Variants in RABGAP1L observed in about 807,000 individuals in gnomAD.
RABGAP1L encodes rab GTPase-activating protein 1-like.
In RABGAP1L, 63 loss-of-function variants were observed where a neutral mutation model predicts 137.7. The ratio of observed to expected loss-of-function variants is 0.46; its 90% CI spans 0.37 to 0.56. The LOEUF (loss-of-function observed/expected upper bound fraction) is 0.56. Among genes scored for constraint, RABGAP1L ranks in the 20% least tolerant of loss-of-function variants. The pLI, the probability that RABGAP1L is intolerant of heterozygous loss-of-function variation, is 0.00. For missense variants in RABGAP1L, 1,095 were observed against 1,244.0 expected (o/e 0.88, Z 1.80); for synonymous variants, 431 against 433.7 (o/e 0.99, Z 0.08).
intron 18 of RABGAP1L, among the ~76,000 whole-genome samples, chr1:174,763,736 G>C (rs1175102506): frequency 1.4e-5 from 2 of 144,424 alleles, no homozygotes; most frequent in Non-Finnish European, 3.0e-5. Flanking sequence ...TATGCAGGAG[G>C]CTGAGGCAAG....
intron 13 of RABGAP1L, among the ~76,000 whole-genome samples, chr1:174,405,056 T>A (rs1210821764): frequency 1.3e-5 from 2 of 152,158 alleles, no homozygotes; most frequent in African/African-American, 4.8e-5. Context: ...AATAAAACAT[T>A]TAGCTAAAGA....
chr1:174,284,072 A>G (rs1474375477), intron 10 of RABGAP1L, among the ~76,000 whole-genome samples: 1 of 152,238 alleles, frequency 6.6e-6, no homozygotes, highest in Non-Finnish European at 1.5e-5. Context: ...AAATCAAGTT[A>G]GTTAACACAT....
At chr1:174,387,852 CT>C (rs1686925194) in intron 12 of RABGAP1L, among the ~76,000 whole-genome samples, 1 of 151,888 alleles carries the variant, frequency 6.6e-6, no homozygotes, top group African/African-American at 2.4e-5. Context: ...ATTCTTAGAC[CT>C]TTAGAAAACT....
chr1:174,532,476 G>C (rs1221339183), intron 13 of RABGAP1L, among the ~76,000 whole-genome samples: 1 of 151,994 alleles, frequency 6.6e-6, no homozygotes, highest in Non-Finnish European at 1.5e-5. Context: ...CAAAGTGCTG[G>C]GATTACAGGC....
At chr1:174,627,067 A>G (rs12064403) in intron 13 of RABGAP1L, among the ~76,000 whole-genome samples, 1 of 151,706 alleles carries the variant, frequency 6.6e-6, no homozygotes, top group African/African-American at 2.4e-5. Context: ...TAATACTTAT[A>G]AAGTTGAAAT....
intron 8 of RABGAP1L, among the ~76,000 whole-genome samples, chr1:174,275,482 A>G (rs58831567): frequency 0.046 from 6,929 of 152,234 alleles, 233 homozygotes; most frequent in Middle Eastern, 0.092. Flanking sequence ...TTTAATAGAA[A>G]CCATATACAT....
At chr1:174,374,492 A>G (rs566539910) in intron 12 of RABGAP1L, among the ~76,000 whole-genome samples, 3 of 151,762 alleles carry the variant, frequency 2.0e-5, no homozygotes, top group South Asian at 4.2e-4. Context: ...TTATACTCCA[A>G]TTGAAATTAA....
intron 13 of RABGAP1L, among the ~76,000 whole-genome samples, chr1:174,542,120 G>A (rs905508088): frequency 1.3e-5 from 2 of 152,146 alleles, no homozygotes; most frequent in African/African-American, 4.8e-5. Flanking sequence ...AATGAGTTAG[G>A]GAGGATTCCC....
At chr1:174,791,919 A>G (rs1431019516) in intron 18 of RABGAP1L, among the ~76,000 whole-genome samples, 1 of 152,208 alleles carries the variant, frequency 6.6e-6, no homozygotes, top group African/African-American at 2.4e-5. Flanking sequence ...TTCTCAACTC[A>G]ACCTAAGAAT....
At chr1:174,547,418 A>G (rs1666108387) in intron 13 of RABGAP1L, among the ~76,000 whole-genome samples, 1 of 152,086 alleles carries the variant, frequency 6.6e-6, no homozygotes, top group Non-Finnish European at 1.5e-5. Context: ...CGAGTTTGAG[A>G]CCAGCCTAGG....
At chr1:174,199,599 T>A (rs1266677960) in intron 1 of RABGAP1L, among the ~76,000 whole-genome samples, 1 of 152,220 alleles carries the variant, frequency 6.6e-6, no homozygotes, top group African/African-American at 2.4e-5. Flanking sequence ...GCCCATACAT[T>A]GTTTTTCAAT....
intron 11 of RABGAP1L, among the ~76,000 whole-genome samples, chr1:174,317,169 A>C (rs998538514): frequency 1.3e-5 from 2 of 151,938 alleles, no homozygotes; most frequent in African/African-American, 4.8e-5. Flanking sequence ...AAGGTGCAAG[A>C]CAAAGTCCCC....
chr1:174,194,451 G>C (rs1326026383), intron 1 of RABGAP1L, among the ~76,000 whole-genome samples: 1 of 152,020 alleles, frequency 6.6e-6, no homozygotes. Context: ...GGCCATGCTG[G>C]TCTCAAACTC....
chr1:174,195,014 C>G (rs2148353613), intron 1 of RABGAP1L, among the ~76,000 whole-genome samples: 1 of 150,164 alleles, frequency 6.7e-6, no homozygotes. Flanking sequence ...AATTTTGGCT[C>G]TTTCTTGATA....
At chr1:174,882,830 C>CTT (rs201814726) in intron 19 of RABGAP1L, among the ~76,000 whole-genome samples, 1 of 146,314 alleles carries the variant, frequency 6.8e-6, no homozygotes, top group Admixed American at 6.8e-5. Context: ...AACATAAGAG[C>CTT]TTTTTTTTTT....
At chr1:174,821,068 C>T (rs1208190880) in intron 19 of RABGAP1L, among the ~76,000 whole-genome samples, 3 of 151,586 alleles carry the variant, frequency 2.0e-5, no homozygotes, top group African/African-American at 7.3e-5. Flanking sequence ...CCAGTGATCG[C>T]AGCAAAACCA....
intron 18 of RABGAP1L, among the ~76,000 whole-genome samples, chr1:174,780,574 A>C (rs1007941761): frequency 1.3e-5 from 2 of 151,984 alleles, no homozygotes; most frequent in Non-Finnish European, 2.9e-5. Context: ...ATATATATAT[A>C]TATTTTTATT....
At chr1:174,368,073 G>T in intron 11 of RABGAP1L, 1 of 152,532 alleles carries the variant, frequency 6.6e-6, no homozygotes, top group Middle Eastern at 3.1e-3. Flanking sequence ...CAGTCAGTGC[G>T]GAAGGCCAGA....
chr1:174,587,946 C>T (rs962479054), intron 13 of RABGAP1L, among the ~76,000 whole-genome samples: 1 of 152,178 alleles, frequency 6.6e-6, no homozygotes, highest in Non-Finnish European at 1.5e-5. Context: ...TCACTGCAAC[C>T]TCCGCCTCCT....
Sources: gnomAD v4.1 joint callset for allele counts (sites outside exome capture counted in the v4.1 genomes callset) on GRCh38, gnomAD v4.1.1 for gene constraint, MANE v1.5 for transcripts, NCBI Gene and HGNC (gene_info 2026-07-23, HGNC 2026-07-21) for gene names.